Variants in MTMR9 observed in about 807,000 individuals in gnomAD.
MTMR9 encodes the protein myotubularin related protein 9.
Under a neutral mutation model 69.5 loss-of-function variants are expected in MTMR9, and 39 were observed. The ratio of observed to expected loss-of-function variants is 0.56; its 90% CI spans 0.43 to 0.73. The LOEUF (loss-of-function observed/expected upper bound fraction) is 0.73. Among genes scored for constraint, MTMR9 ranks in the 30% least tolerant of loss-of-function variants. The pLI, the probability that MTMR9 is intolerant of heterozygous loss-of-function variation, is 0.00. For synonymous variants in MTMR9, 354 were observed against 240.8 expected (o/e 1.47, Z -4.35); for missense variants, 900 against 671.2 (o/e 1.34, Z -3.77).
rs1260879054 is a variant in MTMR9 at position 11,324,773 on chromosome 8, C to G, written c.*1985C>G. 1 of 152,302 alleles carries G rather than the reference C, an allele frequency of 6.6e-6. No homozygotes were observed. The highest frequency in any genetic ancestry group is 2.4e-5 in the African/African-American group (1 of 41,440). 9.4% of individuals were successfully genotyped at this position (152,302 alleles called of 1,614,324 possible). A position where few individuals can be genotyped will look rare whatever the true frequency, so the allele number is the denominator to read the frequency against. ...TAGGAAAGCTGAGGCAGAAGGATCC[C>G]TTGAGCCTAGGAGGTTGAGGCTGCA... On this transcript the variant is annotated 3_prime_UTR_variant, in exon 10 of 10. Coordinates refer to ENST00000221086, the MANE Select transcript of MTMR9 (RefSeq NM_015458.4).
At chr8:11,322,486 T>C (rs1800738932) in intron 9 of MTMR9, 139 bp from the exon 10 acceptor site, 1 of 639,886 alleles carries the variant, frequency 1.6e-6, no homozygotes, top group African/African-American at 1.9e-5. Flanking sequence ...TTTTAGAGTA[T>C]AATAAAATAC....
intron 1 of MTMR9, among the ~76,000 whole-genome samples, chr8:11,289,338 C>G (rs1799300608): frequency 6.6e-6 from 1 of 152,144 alleles, no homozygotes; most frequent in Admixed American, 6.5e-5. Flanking sequence ...TAGACAAGTG[C>G]CTTTGGGCAA....
rs748832539 is a variant in MTMR9 at position 11,295,227 on chromosome 8, A to G, written c.216A>G (p.Lys72=). Residue 72 remains lysine (K), a synonymous_variant, in exon 2 of 10, where the codon AAA becomes AAG. Transcript: ENST00000221086. ...FVGSLGTIII[K]CKDFRIIQLD... is the part of the protein sequence containing the mutation. ...GATCACTGGGTACCATCATCATAAA[A>G]TGTAAAGATTTTCGAATTATTCAGT... is the stretch of plus-strand genomic sequence containing the variant. 139 of 1,611,094 alleles carry G rather than the reference A, an allele frequency of 8.6e-5. No individual in the cohort carries two copies. The East Asian group carries it at 2.4e-3, about 27-fold the overall frequency.
chr8:11,288,352 A>G lies in MTMR9; in HGVS notation c.182+3282A>G, dbSNP rs182443585. ...ACATAAATATATAATATATTTATAT[A>G]TATATAATATATATATAATGATGTC... On this transcript the variant is annotated intron_variant, in intron 1 of 9. Transcript: ENST00000221086. 1.7e-3 allele frequency among the ~76,000 whole-genome samples: 234 copies of G among 141,044 alleles called. 4 individuals carry two copies. The highest frequency in any genetic ancestry group is 7.3e-3 in the Middle Eastern group (2 of 274). The allele number at this position is 141,044 out of a possible 152,430, so 92.5% of individuals were successfully genotyped here. A position where few individuals can be genotyped will look rare whatever the true frequency, so the allele number is the denominator to read the frequency against.
At chr8:11,320,071 GTT>G (rs1800610816) in intron 9 of MTMR9, 1 of 436,074 alleles carries the variant, frequency 2.3e-6, no homozygotes, top group Non-Finnish European at 4.0e-6. Flanking sequence ...TTACATTGCT[GTT>G]TATGTTGGAT....
intron 6 of MTMR9, among the ~76,000 whole-genome samples, chr8:11,310,931 G>A (rs916830211): frequency 9.9e-5 from 15 of 152,098 alleles, no homozygotes; most frequent in African/African-American, 3.6e-4. Flanking sequence ...CCACCTCAAA[G>A]GCAGAGACTT....
At chr8:11,295,503 ACG>A (rs1799523961) in intron 2 of MTMR9, among the ~76,000 whole-genome samples, 1 of 64,576 alleles carries the variant, frequency 1.5e-5, no homozygotes, top group South Asian at 7.6e-4. Context: ...GGTGTTACTC[ACG>A]TTATATGAGT....
intron 1 of MTMR9, among the ~76,000 whole-genome samples, chr8:11,290,290 C>G (rs1022771539): frequency 2.0e-5 from 3 of 150,988 alleles, no homozygotes; most frequent in East Asian, 1.9e-4. Context: ...TTTCTGTGGT[C>G]TACTTTTAAA....
In MTMR9 at chr8:11,316,783, T is replaced by C. The variant is rs1800435741; in HGVS notation, c.1224T>C (p.Leu408=). 1 of 1,613,910 alleles carries C rather than the reference T, an allele frequency of 6.2e-7. No homozygotes were observed. The highest frequency in any genetic ancestry group is 1.3e-5 in the African/African-American group (1 of 74,876). The part of the protein sequence containing the change: ...LLFLDCVWQI[L]RQFPCSFEFN... ...TCTTGGACTGCGTGTGGCAGATCCT[T>C]CGTCAGTTTCCCTGTTCTTTTGAGT... The change falls in exon 8 of 10, where the codon CTT becomes CTC. Residue 408 remains leucine (L), a synonymous_variant. Transcript: ENST00000221086.
At chr8:11,335,616 C>G in the MTMR9 span, among the ~76,000 whole-genome samples, 21 of 152,168 alleles carry the variant, frequency 1.4e-4, no homozygotes, top group Non-Finnish European at 2.6e-4. Flanking sequence ...AGGAGAAGAA[C>G]AAAGTTGAGG....
chr8:11,332,923 A>G (rs1448229246), downstream of MTMR9, among the ~76,000 whole-genome samples: 1 of 152,210 alleles, frequency 6.6e-6, no homozygotes, highest in Non-Finnish European at 1.5e-5. Flanking sequence ...TTGATCAGGC[A>G]GAAGAAAGGA....
intron 7 of MTMR9, among the ~76,000 whole-genome samples, chr8:11,315,277 T>G (rs1800368689): frequency 6.6e-6 from 1 of 152,202 alleles, no homozygotes; most frequent in African/African-American, 2.4e-5. Flanking sequence ...CTTAGGAAAC[T>G]CCTGTTGGCT....
intron 9 of MTMR9, 61 bp from the exon 10 acceptor site, chr8:11,322,564 G>A (rs897520789): frequency 1.1e-4 from 154 of 1,398,172 alleles, no homozygotes; most frequent in Non-Finnish European, 1.5e-4. Context: ...ATCCACAAAT[G>A]TAATTTTAAT....
chr8:11,292,875 A>C (rs892793), intron 1 of MTMR9, among the ~76,000 whole-genome samples: 37,029 of 152,158 alleles, frequency 0.24, 6,270 homozygotes, highest in African/African-American at 0.49. Flanking sequence ...TTACACAACA[A>C]TGTAGCACAT....
In MTMR9 at chr8:11,284,960, T is replaced by C; in HGVS notation, c.72T>C (p.Ala24=). 6.2e-7 allele frequency: 1 copy of C among 1,613,982 alleles called. No homozygotes were observed. Among genetic ancestry groups the C allele is most frequent in the South Asian group, 1.1e-5 (1 of 91,024 alleles). ...TGCTGCACCGGCCTTTCTACCCGGC[T>C]GTCGAGGGCACCCTGTGCCTGACGG... is the stretch of plus-strand genomic sequence containing the variant. ...NVVLHRPFYP[A]VEGTLCLTGH... Residue 24 remains alanine, a synonymous_variant, in exon 1 of 10, where the codon GCT becomes GCC. Transcript: ENST00000221086.
Position 11,322,654 on chromosome 8 carries a change from A to C in MTMR9, c.1516A>C (p.Lys506Gln). The C allele has an allele frequency of 6.2e-7, 1 of 1,613,790 alleles. No homozygotes were observed. The highest frequency in any genetic ancestry group is 1.3e-5 in the African/African-American group (1 of 75,036). Residue 506 changes from lysine to glutamine, a missense_variant, in exon 10 of 10, where the codon AAG becomes CAG. Physicochemically the swap from Lys to Gln is moderately conservative, Grantham distance 53 (BLOSUM62 1). Transcript: ENST00000221086. ...TTTCCTACGTTGGAATAGATCCTCTAAGTATTTGGATGAAGCATATGAAGA... is the reference window on the plus strand; with the variant it reads ...TTTCCTACGTTGGAATAGATCCTCTCAGTATTTGGATGAAGCATATGAAGA... ...GIFLRWNRSS[K>Q]YLDEAYEEMV...
chr8:11,316,161 A>G (rs1366303119), intron 7 of MTMR9: 1 of 152,232 alleles, frequency 6.6e-6, no homozygotes, highest in Non-Finnish European at 1.5e-5. Context: ...TTTCAACACA[A>G]TAACTTTTCG....
intron 1 of MTMR9, among the ~76,000 whole-genome samples, chr8:11,287,941 T>C (rs1799236296): frequency 7.8e-6 from 1 of 127,952 alleles, no homozygotes; most frequent in African/African-American, 3.0e-5. Flanking sequence ...ATATGTGTTA[T>C]ATATCATACG....
At chr8:11,335,441 T>G in the MTMR9 span, among the ~76,000 whole-genome samples, 13 of 152,214 alleles carry the variant, frequency 8.5e-5, no homozygotes, top group Non-Finnish European at 1.6e-4. Context: ...TATAGAGATA[T>G]TCTATGTTCA....
Sources: gnomAD v4.1 joint callset for allele counts (sites outside exome capture counted in the v4.1 genomes callset) on GRCh38, gnomAD v4.1.1 for gene constraint, MANE v1.5 for transcripts, NCBI Gene and HGNC (gene_info 2026-07-23, HGNC 2026-07-21) for gene names.